Variants in ADGB observed in about 807,000 individuals in gnomAD.
ADGB encodes calpain-7-like protein.
Under a neutral mutation model 210.5 loss-of-function variants are expected in ADGB, and 172 were observed. The observed-to-expected ratio is 0.82, with a 90% confidence interval of 0.72 to 0.93. The LOEUF is 0.93. Among genes scored for constraint, ADGB ranks in the 40% least tolerant of loss-of-function variants. The pLI is 0.00. For synonymous variants in ADGB, 658 were observed against 662.7 expected, an observed-to-expected ratio of 0.99 and a Z score of 0.11; for missense variants, 2,025 against 1,964.8, an observed-to-expected ratio of 1.03 and a Z score of -0.58.
At chr6:146,609,655 C>G (rs574719526) in intron 1 of ADGB, among the ~76,000 whole-genome samples, 1 of 152,256 alleles carries the variant, frequency 6.6e-6, no homozygotes, top group African/African-American at 2.4e-5. Context: ...AATGAATTCC[C>G]TTAGCATATG....
intron 25 of ADGB, 31 bp downstream of exon 25, chr6:146,741,302 T>C: frequency 6.5e-7 from 1 of 1,546,146 alleles, no homozygotes; most frequent in Non-Finnish European, 8.7e-7. Flanking sequence ...CCACATATGA[T>C]AGAATGGCAG....
chr6:146,764,205 A>C lies in ADGB; in HGVS notation c.3750+105A>C, dbSNP rs184517675. 2.0e-5 allele frequency: 19 copies of C among 938,194 alleles called. No homozygotes were observed. The African/African-American group carries it at 2.8e-4, about 14-fold the overall frequency. The allele number at this position is 938,194 out of a possible 1,614,324, so 58.1% of individuals were successfully genotyped here. A position where few individuals can be genotyped will look rare whatever the true frequency, so the allele number is the denominator to read the frequency against. ...TCAATATACAGTGTGCAGTGCTGCC[A>C]ATGTATAGCCAGAATTGGAGAATAA... On this transcript the variant is annotated intron_variant, in intron 28 of 35. Transcript: ENST00000397944.
chr6:146,664,446 C>A, intron 6 of ADGB, 106 bp downstream of exon 6: 1 of 1,188,956 alleles, frequency 8.4e-7, no homozygotes, highest in Non-Finnish European at 1.1e-6. Flanking sequence ...TAAAAGACAG[C>A]TTTTTCCCCT....
At chr6:146,770,906 T>C (rs774687236) in intron 29 of ADGB, among the ~76,000 whole-genome samples, 14 of 152,116 alleles carry the variant, frequency 9.2e-5, no homozygotes, top group Non-Finnish European at 1.9e-4. Flanking sequence ...TGGATAGTCA[T>C]GGAATATGAA....
intron 3 of ADGB, among the ~76,000 whole-genome samples, chr6:146,653,471 G>A (rs905993652): frequency 2.0e-5 from 3 of 152,098 alleles, no homozygotes; most frequent in African/African-American, 7.2e-5. Flanking sequence ...TTCATGCTAA[G>A]TTTATCTGCA....
chr6:146,807,612 G>T, intron 35 of ADGB: 1 of 1,502,490 alleles, frequency 6.7e-7, no homozygotes. Context: ...ATACCACCCT[G>T]CTTCTGGAGA....
chr6:146,685,862 A>G (rs1776224910), intron 10 of ADGB, 34 bp downstream of exon 10: 1 of 1,409,338 alleles, frequency 7.1e-7, no homozygotes. Flanking sequence ...AGTATTATTT[A>G]TTTTGTGTGT....
chr6:146,647,880 A>G (rs1388163859), intron 3 of ADGB, among the ~76,000 whole-genome samples: 2 of 152,090 alleles, frequency 1.3e-5, no homozygotes, highest in Non-Finnish European at 2.9e-5. Flanking sequence ...TTGAAAGAAA[A>G]TAAATACCTT....
At chr6:146,673,820 T>C (rs548906106) in intron 8 of ADGB, among the ~76,000 whole-genome samples, 3 of 152,268 alleles carry the variant, frequency 2.0e-5, no homozygotes, top group East Asian at 3.9e-4. Context: ...ATGTCAAGAC[T>C]CCTAGGCTGG....
chr6:146,797,995 A>G (rs1286435146), intron 33 of ADGB, among the ~76,000 whole-genome samples: 1 of 152,098 alleles, frequency 6.6e-6, no homozygotes, highest in African/African-American at 2.4e-5. Flanking sequence ...GATAGAAAGT[A>G]ATAAAGTAGG....
intron 15 of ADGB, 144 bp downstream of exon 15, chr6:146,717,213 A>G: frequency 1.5e-6 from 1 of 657,372 alleles, no homozygotes; most frequent in Non-Finnish European, 2.5e-6. Context: ...ATCATCCAAA[A>G]TAAGCCAATA....
Position 146,724,246 on chromosome 6 carries a change from G to A in ADGB, c.2156G>A (p.Trp719Ter). The A allele has an allele frequency of 6.4e-7, 1 of 1,550,952 alleles. No individual in the cohort carries two copies. The highest frequency in any genetic ancestry group is 8.7e-7 in the Non-Finnish European group (1 of 1,146,706). Residue 719 changes from tryptophan (W) to a stop codon, truncating the protein, a stop_gained, in exon 18 of 36, where the codon TGG becomes TAG. Coordinates refer to ENST00000397944, the MANE Select transcript of ADGB (RefSeq NM_024694.4). LOFTEE classifies it high-confidence loss of function. The part of the protein sequence containing the change: ...PGLLTAETFS[W>*]KSLKPGSLVL... Reference sequence around the variant, plus strand: ...CTTCTCACAGCTGAAACGTTTTCTTGGAAATCCCTGAAACCAGGCAGTCTT... The same window carrying A: ...CTTCTCACAGCTGAAACGTTTTCTTAGAAATCCCTGAAACCAGGCAGTCTT...
intron 12 of ADGB, among the ~76,000 whole-genome samples, chr6:146,697,399 G>T (rs1481467425): frequency 6.6e-6 from 1 of 152,086 alleles, no homozygotes; most frequent in Non-Finnish European, 1.5e-5. Flanking sequence ...GCAGTTAACT[G>T]TACTTCAATT....
chr6:146,662,455 A>G (rs1775875459), intron 5 of ADGB, among the ~76,000 whole-genome samples: 1 of 151,974 alleles, frequency 6.6e-6, no homozygotes, highest in Admixed American at 6.6e-5. Flanking sequence ...TTTAAGCTTA[A>G]AATTTCTATT....
At chr6:146,646,071 C>T (rs946816704) in intron 3 of ADGB, among the ~76,000 whole-genome samples, 2 of 151,948 alleles carry the variant, frequency 1.3e-5, no homozygotes, top group Non-Finnish European at 2.9e-5. Flanking sequence ...GTGTGAATTC[C>T]ACAAGATGAT....
At chr6:146,749,034 G>A (rs994811114) in intron 26 of ADGB, among the ~76,000 whole-genome samples, 16 of 152,152 alleles carry the variant, frequency 1.1e-4, no homozygotes, top group African/African-American at 3.9e-4. Flanking sequence ...ATCTTTGGTG[G>A]TAGGCGGGGA....
At chr6:146,690,637 A>G (rs1374315394) in intron 10 of ADGB, among the ~76,000 whole-genome samples, 2 of 152,190 alleles carry the variant, frequency 1.3e-5, no homozygotes, top group Non-Finnish European at 2.9e-5. Flanking sequence ...TCTTATGTGG[A>G]GGAACACATT....
intron 17 of ADGB, among the ~76,000 whole-genome samples, chr6:146,722,383 A>T (rs1776831284): frequency 6.6e-6 from 1 of 152,142 alleles, no homozygotes; most frequent in Admixed American, 6.5e-5. Context: ...TCACAGAGAT[A>T]GCCTCCACAC....
chr6:146,782,306 C>T, intron 30 of ADGB, 114 bp downstream of exon 30: 2 of 1,055,830 alleles, frequency 1.9e-6, no homozygotes, highest in East Asian at 2.8e-5. Flanking sequence ...TCCCTGATTC[C>T]AGAAACCATC....
Sources: allele counts gnomAD v4.1 joint callset (sites outside exome capture counted in the v4.1 genomes callset), GRCh38; gene constraint gnomAD v4.1.1; transcripts MANE v1.5; gene names NCBI Gene and HGNC (gene_info 2026-07-23, HGNC 2026-07-21).